The following KCNQ5 variants were observed in gnomAD, a reference collection of about 807,000 sequenced individuals.
KCNQ5 encodes potassium voltage-gated channel subfamily KQT member 5.
Under a neutral mutation model 98.2 loss-of-function variants are expected in KCNQ5, and 30 were observed. The observed-to-expected ratio is 0.31, with a 90% CI of 0.23 to 0.41. The LOEUF is 0.41. Among genes scored for constraint, KCNQ5 ranks in the 10% least tolerant of loss-of-function variants. The pLI is 1.00. For missense variants in KCNQ5, 835 were observed against 1,182.5 expected, an observed-to-expected ratio of 0.71 and a Z score of 4.31; for synonymous variants, 458 against 449.4, an observed-to-expected ratio of 1.02 and a Z score of -0.24.
chr6:72,981,100 G>A (rs947925687), intron 1 of KCNQ5, among the ~76,000 whole-genome samples: 3 of 152,276 alleles, frequency 2.0e-5, no homozygotes, highest in African/African-American at 7.2e-5. Flanking sequence ...TATTCCTCGG[G>A]ATATTGGTCT....
intron 1 of KCNQ5, among the ~76,000 whole-genome samples, chr6:72,927,100 C>A (rs945583316): frequency 6.6e-6 from 1 of 152,124 alleles, no homozygotes; most frequent in African/African-American, 2.4e-5. Flanking sequence ...AACATTGACA[C>A]AAGGAATTAA....
At chr6:72,645,031 T>G (rs1387230710) in intron 1 of KCNQ5, among the ~76,000 whole-genome samples, 1 of 151,996 alleles carries the variant, frequency 6.6e-6, no homozygotes, top group African/African-American at 2.4e-5. Flanking sequence ...TATCCCAGCA[T>G]GCTGGGATGG....
At chr6:73,137,422 T>C (rs1776516750) in intron 10 of KCNQ5, among the ~76,000 whole-genome samples, 1 of 152,220 alleles carries the variant, frequency 6.6e-6, no homozygotes, top group Non-Finnish European at 1.5e-5. Flanking sequence ...ACCAAATTTA[T>C]TTTGACTGCT....
intron 1 of KCNQ5, among the ~76,000 whole-genome samples, chr6:72,736,030 T>G (rs887448730): frequency 6.6e-6 from 1 of 151,998 alleles, no homozygotes; most frequent in African/African-American, 2.4e-5. Flanking sequence ...AATAGTCTTT[T>G]TTAAGAAACA....
At chr6:72,660,464 C>T (rs559047449) in intron 1 of KCNQ5, among the ~76,000 whole-genome samples, 5 of 150,624 alleles carry the variant, frequency 3.3e-5, no homozygotes, top group African/African-American at 1.3e-4. Flanking sequence ...AATGAAAAGG[C>T]CAACAATAAC....
chr6:73,134,504 A>G (rs9442893), intron 10 of KCNQ5, among the ~76,000 whole-genome samples: 19,900 of 152,248 alleles, frequency 0.13, 2,328 homozygotes, highest in African/African-American at 0.3. Flanking sequence ...GAGGAATAAA[A>G]TTAACAACCA....
At chr6:72,985,559 C>T (rs1475845235) in intron 1 of KCNQ5, among the ~76,000 whole-genome samples, 20 of 152,112 alleles carry the variant, frequency 1.3e-4, no homozygotes, top group Non-Finnish European at 2.9e-4. Flanking sequence ...AATTTTCCAT[C>T]AAAAAGCCTG....
chr6:72,893,701 A>T (rs1439441113), intron 1 of KCNQ5, among the ~76,000 whole-genome samples: 1 of 152,240 alleles, frequency 6.6e-6, no homozygotes, highest in African/African-American at 2.4e-5. Context: ...GCCCAGGCAG[A>T]TATTATCAAG....
chr6:72,686,198 C>T (rs1177616499), intron 1 of KCNQ5, among the ~76,000 whole-genome samples: 2 of 152,176 alleles, frequency 1.3e-5, no homozygotes, highest in African/African-American at 4.8e-5. Context: ...CATAACATGA[C>T]TGGGTCAAAC....
intron 1 of KCNQ5, among the ~76,000 whole-genome samples, chr6:72,625,120 C>T (rs2098917408): frequency 6.6e-6 from 1 of 152,228 alleles, no homozygotes; most frequent in Middle Eastern, 3.4e-3. Flanking sequence ...TTTACTTGGT[C>T]AACCAGTGTT....
intron 2 of KCNQ5, among the ~76,000 whole-genome samples, chr6:73,019,860 T>C (rs1444124457): frequency 6.6e-6 from 1 of 152,212 alleles, no homozygotes; most frequent in Non-Finnish European, 1.5e-5. Flanking sequence ...CACTTATTTA[T>C]GTATTTTGAC....
Position 72,984,793 on chromosome 6 carries a change from C to T in KCNQ5, c.399-19115C>T, listed in dbSNP as rs541028348. Reference sequence around the variant, plus strand: ...TGCAGAAATCACCCGTCTTCTGTGTCGATCACACTGGGAGCTGCAGACCAG... The same window carrying T: ...TGCAGAAATCACCCGTCTTCTGTGTTGATCACACTGGGAGCTGCAGACCAG... On this transcript the variant is annotated intron_variant, in intron 1 of 13. Transcript: ENST00000370398. 2.5e-3 allele frequency among the ~76,000 whole-genome samples: 387 copies of T among 152,276 alleles called. 2 individuals are homozygous for T. Among genetic ancestry groups the T allele is most frequent in the African/African-American group, 8.7e-3 (361 of 41,568 alleles).
chr6:72,976,148 T>A (rs1768151375), intron 1 of KCNQ5, among the ~76,000 whole-genome samples: 1 of 152,200 alleles, frequency 6.6e-6, no homozygotes. Flanking sequence ...TAGTTCCCAA[T>A]AATCATACTT....
At chr6:72,643,070 G>A (rs768418795) in intron 1 of KCNQ5, among the ~76,000 whole-genome samples, 8 of 152,108 alleles carry the variant, frequency 5.3e-5, no homozygotes, top group Non-Finnish European at 7.4e-5. Flanking sequence ...AAAACACGTG[G>A]ATGCAAAGAA....
At chr6:73,106,983 A>G (rs1582370759) in intron 6 of KCNQ5, among the ~76,000 whole-genome samples, 1 of 144,658 alleles carries the variant, frequency 6.9e-6, no homozygotes, top group East Asian at 2.0e-4. Flanking sequence ...AAAAAAAAAA[A>G]TCTTACGTAT....
intron 1 of KCNQ5, among the ~76,000 whole-genome samples, chr6:72,945,778 T>G (rs146681559): frequency 2.6e-5 from 4 of 152,290 alleles, no homozygotes; most frequent in African/African-American, 9.6e-5. Context: ...CATTGTGGAA[T>G]GATTATATCA....
chr6:72,798,387 C>A (rs1432393311), intron 1 of KCNQ5, among the ~76,000 whole-genome samples: 1 of 152,170 alleles, frequency 6.6e-6, no homozygotes, highest in East Asian at 1.9e-4. Flanking sequence ...CATGAAGGCT[C>A]TGCTCTTAAA....
intron 3 of KCNQ5, among the ~76,000 whole-genome samples, chr6:73,064,728 T>C (rs1468796604): frequency 6.6e-6 from 1 of 152,176 alleles, no homozygotes; most frequent in Non-Finnish European, 1.5e-5. Flanking sequence ...AGCCACTGTA[T>C]CATTGCCCTA....
intron 11 of KCNQ5, among the ~76,000 whole-genome samples, chr6:73,179,308 A>G (rs1778326161): frequency 6.6e-6 from 1 of 152,166 alleles, no homozygotes; most frequent in East Asian, 1.9e-4. Flanking sequence ...CTGAGGCAGC[A>G]CAGGGCATCA....
Sources: gnomAD v4.1 joint callset for allele counts (sites outside exome capture counted in the v4.1 genomes callset) on GRCh38, gnomAD v4.1.1 for gene constraint, MANE v1.5 for transcripts, NCBI Gene and HGNC (gene_info 2026-07-23, HGNC 2026-07-21) for gene names.